CSMD1: variants seen among roughly 807,000 people sequenced by gnomAD.
CSMD1 encodes the protein CUB and Sushi multiple domains 1, also known as CUB and sushi domain-containing protein 1.
Under a neutral mutation model 417.5 loss-of-function variants are expected in CSMD1, and 213 were observed. The ratio of observed to expected loss-of-function variants is 0.51; its 90% confidence interval spans 0.46 to 0.57. The LOEUF (loss-of-function observed/expected upper bound fraction) is 0.57. CSMD1 is among the 20% of genes least tolerant of loss of function. The pLI is 0.00. For missense variants in CSMD1, 6,923 were observed against 4,529.7 expected (o/e 1.53, Z -15.17); for synonymous variants, 2,862 against 1,736.8 (o/e 1.65, Z -16.11).
chr8:4,775,604 A>G (rs1377785435), intron 1 of CSMD1, among the ~76,000 whole-genome samples: 1 of 152,188 alleles, frequency 6.6e-6, no homozygotes, highest in African/African-American at 2.4e-5. Context: ...GCAACTAATC[A>G]ATGTTAATTA....
chr8:4,021,365 A>C (rs187346824), intron 4 of CSMD1, among the ~76,000 whole-genome samples: 19 of 152,352 alleles, frequency 1.2e-4, no homozygotes, highest in Non-Finnish European at 2.4e-4. Flanking sequence ...TCCGTGTCGC[A>C]TCTGGGGATT....
At chr8:3,239,963 G>C (rs1396525694) in intron 26 of CSMD1, among the ~76,000 whole-genome samples, 3 of 151,774 alleles carry the variant, frequency 2.0e-5, no homozygotes, top group Admixed American at 2.0e-4. Context: ...AGGAGCCGGG[G>C]AGCAGAAAGT....
chr8:4,008,363 A>G (rs1816290803), intron 4 of CSMD1, among the ~76,000 whole-genome samples: 1 of 151,912 alleles, frequency 6.6e-6, no homozygotes, highest in African/African-American at 2.4e-5. Flanking sequence ...CATGGATACT[A>G]ATAAGCATGA....
At chr8:3,747,198 G>A (rs930702662) in intron 6 of CSMD1, among the ~76,000 whole-genome samples, 2 of 152,126 alleles carry the variant, frequency 1.3e-5, no homozygotes, top group South Asian at 2.1e-4. Context: ...TATGACGAGA[G>A]CCACAGCCCT....
chr8:3,377,664 G>A (rs988210644), intron 18 of CSMD1, among the ~76,000 whole-genome samples: 6 of 151,898 alleles, frequency 4.0e-5, no homozygotes, highest in African/African-American at 7.3e-5. Context: ...TTACTGTACC[G>A]CACCTATCAA....
At chr8:3,101,915 C>A (rs1269171153) in intron 46 of CSMD1, among the ~76,000 whole-genome samples, 2 of 150,778 alleles carry the variant, frequency 1.3e-5, no homozygotes, top group South Asian at 4.2e-4. Context: ...AATTCTCCAG[C>A]CTCAGCCTCC....
Position 3,532,587 on chromosome 8 carries a change from A to T in CSMD1, c.1345-38861T>A, listed in dbSNP as rs1798028073. Among the ~76,000 whole-genome samples the T allele has an allele frequency of 2.0e-5, 3 of 152,310 alleles. No individual in the cohort carries two copies. In the South Asian group the frequency reaches 6.2e-4, roughly 32 times the overall value. ...AACACAGGATTTGATGAGTGATTGCATTCATGCCGTTTGGTGTTATTGTAG... is the reference window on the plus strand; with the variant it reads ...AACACAGGATTTGATGAGTGATTGCTTTCATGCCGTTTGGTGTTATTGTAG... On this transcript the variant is annotated intron_variant, in intron 10 of 69. Coordinates refer to ENST00000635120, the MANE Select transcript of CSMD1 (RefSeq NM_033225.6).
chr8:4,126,397 C>T (rs958883189), intron 3 of CSMD1, among the ~76,000 whole-genome samples: 1 of 152,152 alleles, frequency 6.6e-6, no homozygotes, highest in African/African-American at 2.4e-5. Flanking sequence ...CAGAATGGTG[C>T]CAAACACCCA....
intron 1 of CSMD1, among the ~76,000 whole-genome samples, chr8:4,890,293 C>A (rs138086011): frequency 6.6e-6 from 1 of 152,068 alleles, no homozygotes; most frequent in African/African-American, 2.4e-5. Flanking sequence ...CAAATGTCTA[C>A]GAAGTAAGCT....
At chr8:4,583,021 C>G (rs536322370) in intron 2 of CSMD1, among the ~76,000 whole-genome samples, 3 of 152,198 alleles carry the variant, frequency 2.0e-5, no homozygotes, top group Non-Finnish European at 1.5e-5. Context: ...GCCAGCCCAC[C>G]GGCGCTGTGC....
At chr8:3,000,534 G>C (rs750357152) in intron 52 of CSMD1, among the ~76,000 whole-genome samples, 1 of 152,160 alleles carries the variant, frequency 6.6e-6, no homozygotes, top group Non-Finnish European at 1.5e-5. Context: ...AAGGAGATCG[G>C]TGAGGGGGGC....
At chr8:4,416,161 G>C (rs1796925890) in intron 3 of CSMD1, among the ~76,000 whole-genome samples, 1 of 152,134 alleles carries the variant, frequency 6.6e-6, no homozygotes, top group African/African-American at 2.4e-5. Context: ...AAAGCAAGTA[G>C]TGATTCTAGT....
intron 1 of CSMD1, among the ~76,000 whole-genome samples, chr8:4,963,791 T>G (rs1005727657): frequency 6.6e-6 from 1 of 152,174 alleles, no homozygotes; most frequent in Non-Finnish European, 1.5e-5. Flanking sequence ...AACGTCAAAA[T>G]GGTAAGCAAT....
In CSMD1 at chr8:3,965,906, C is replaced by T. The variant is rs184823159; in HGVS notation, c.818+31997G>A. 2.0e-5 allele frequency among the ~76,000 whole-genome samples: 3 copies of T among 152,256 alleles called. No individual in the cohort carries two copies. The East Asian group carries it at 5.8e-4, about 29-fold the overall frequency. ...TGCTAGGACTACAGGTATGAGCCACCATGCCCGGCCAATGGTTATGATTTT... is the reference window on the plus strand; with the variant it reads ...TGCTAGGACTACAGGTATGAGCCACTATGCCCGGCCAATGGTTATGATTTT... On this transcript the variant is annotated intron_variant, in intron 5 of 69. Coordinates refer to ENST00000635120, the MANE Select transcript of CSMD1 (RefSeq NM_033225.6).
chr8:3,150,436 C>T (rs1585486154), intron 40 of CSMD1, among the ~76,000 whole-genome samples: 1 of 152,190 alleles, frequency 6.6e-6, no homozygotes, highest in African/African-American at 2.4e-5. Context: ...CTGTTCATTC[C>T]CCGGCCACTC....
chr8:4,440,560 T>C (rs1248008188), intron 2 of CSMD1, among the ~76,000 whole-genome samples: 1 of 152,214 alleles, frequency 6.6e-6, no homozygotes, highest in Admixed American at 6.5e-5. Context: ...CATATCTATA[T>C]GTAATTTTCA....
At chr8:4,087,613 C>T (rs10097875) in intron 3 of CSMD1, among the ~76,000 whole-genome samples, 2,244 of 152,210 alleles carry the variant, frequency 0.015, 31 homozygotes, top group Non-Finnish European at 0.025. Context: ...CTCTCTCATT[C>T]CCAAATCTTT....
At position 3,798,531 on chromosome 8, in the gene CSMD1, G is replaced by C. The variant is rs76907759; in HGVS notation, c.819-44489C>G. ...GAGAAAGAAGAGGAAAGACAGCAAA[G>C]ATCATATGAAAACACTTTTCCAGAG... On this transcript the variant is annotated intron_variant, in intron 5 of 69. Transcript: ENST00000635120. Among the ~76,000 whole-genome samples the C allele has an allele frequency of 5.8e-3, 886 of 152,102 alleles. 12 individuals are homozygous for C. Among genetic ancestry groups the C allele is most frequent in the East Asian group, 0.038 (197 of 5,174 alleles).
intron 30 of CSMD1, among the ~76,000 whole-genome samples, chr8:3,210,880 A>G (rs1797564302): frequency 6.6e-6 from 1 of 152,124 alleles, no homozygotes. Context: ...TAACAAAAGT[A>G]CAGAATTCAT....
Sources: gnomAD v4.1 joint callset for allele counts (sites outside exome capture counted in the v4.1 genomes callset) on GRCh38, gnomAD v4.1.1 for gene constraint, MANE v1.5 for transcripts, NCBI Gene and HGNC (gene_info 2026-07-23, HGNC 2026-07-21) for gene names.